Variants in NRXN1 observed in about 807,000 individuals in gnomAD.
NRXN1 encodes neurexin-1.
In NRXN1, 39 loss-of-function variants were observed where a neutral mutation model predicts 150.9. The observed-to-expected ratio is 0.26, with a 90% CI of 0.20 to 0.34. The LOEUF (loss-of-function observed/expected upper bound fraction) is 0.34. Among genes scored for constraint, NRXN1 ranks in the 10% least tolerant of loss-of-function variants. The pLI is 1.00. For synonymous variants in NRXN1, 924 were observed against 757.0 expected (o/e 1.22, Z -3.62); for missense variants, 1,815 against 1,949.9 (o/e 0.93, Z 1.30).
At chr2:50,610,793 T>C (rs1012902223) in intron 8 of NRXN1, among the ~76,000 whole-genome samples, 12 of 145,682 alleles carry the variant, frequency 8.2e-5, no homozygotes, top group Admixed American at 3.5e-4. Context: ...CACACACACA[T>C]ACATTTATAT....
intron 21 of NRXN1, among the ~76,000 whole-genome samples, chr2:49,952,769 G>A (rs771156122): frequency 6.6e-5 from 10 of 152,074 alleles, no homozygotes; most frequent in Admixed American, 1.3e-4. Flanking sequence ...CAACTTCCAA[G>A]GTCTCTCTCT....
intron 2 of NRXN1, among the ~76,000 whole-genome samples, chr2:51,018,164 C>A (rs778563585): frequency 6.6e-6 from 1 of 152,054 alleles, no homozygotes; most frequent in Admixed American, 6.6e-5. Context: ...GATTAGAACC[C>A]ACACAGAATT....
At chr2:50,746,784 C>G (rs929806380) in intron 5 of NRXN1, among the ~76,000 whole-genome samples, 3 of 152,014 alleles carry the variant, frequency 2.0e-5, no homozygotes, top group African/African-American at 7.2e-5. Context: ...ATTTCAAGGG[C>G]GGGACCAAAT....
chr2:51,013,208 T>G (rs1668157961), intron 2 of NRXN1, among the ~76,000 whole-genome samples: 1 of 151,866 alleles, frequency 6.6e-6, no homozygotes, highest in Non-Finnish European at 1.5e-5. Flanking sequence ...CAACAACGTT[T>G]AAGGAAACAT....
Position 50,953,560 on chromosome 2 carries a change from T to TG in NRXN1, c.773-27606_773-27605insC, listed in dbSNP as rs1691767159. On this transcript the variant is annotated intron_variant, in intron 2 of 22. Coordinates refer to ENST00000401669, the MANE Select transcript of NRXN1 (RefSeq NM_001330078.2). The stretch of plus-strand genomic sequence containing the variant: ...TATTTCTATGTTCAAGTGACAATTT[T>TG]TTTTTTTTTTTTTTGAGATGAAGTC... Among the ~76,000 whole-genome samples, 5 of 151,562 alleles carry TG rather than the reference T, an allele frequency of 3.3e-5. No individual in the cohort carries two copies. In the South Asian group the frequency reaches 8.3e-4, roughly 25 times the overall value.
chr2:50,307,429 T>C (rs1358204479), intron 17 of NRXN1, among the ~76,000 whole-genome samples: 2 of 152,194 alleles, frequency 1.3e-5, no homozygotes, highest in South Asian at 2.1e-4. Context: ...AAAAGCAATT[T>C]AATTAGTCAC....
At chr2:50,492,194 T>A (rs1212440858) in intron 15 of NRXN1, among the ~76,000 whole-genome samples, 1 of 152,114 alleles carries the variant, frequency 6.6e-6, no homozygotes, top group East Asian at 1.9e-4. Context: ...GAGAGCAAAT[T>A]TCTGCTGCTC....
chr2:50,865,593 T>C (rs1446914359), intron 5 of NRXN1, among the ~76,000 whole-genome samples: 3 of 147,744 alleles, frequency 2.0e-5, no homozygotes, highest in African/African-American at 7.5e-5. Flanking sequence ...TGTGTGTGTG[T>C]GTGTGTGTGT....
rs200171245 is a variant in NRXN1 at position 51,027,652 on chromosome 2, G to C, written c.622C>G (p.Pro208Ala). The part of the protein sequence containing the change: ...DSGEVKLDDE[P>A]PNSGGGSPCE... ...GGGCTTCCCCCGCCGCTGTTGGGCG[G>C]CTCATCGTCCAGCTTCACCTCGCCG... Residue 208 changes from proline to alanine, a missense_variant, in exon 2 of 23, where the codon CCG (proline) becomes GCG (alanine). Pro to Ala is a conservative substitution (Grantham distance 27). Transcript: ENST00000401669. The C allele has an allele frequency of 2.1e-5, 33 of 1,600,186 alleles. No homozygotes were observed. Among genetic ancestry groups the C allele is most frequent in the Admixed American group, 5.1e-5 (3 of 58,284 alleles).
chr2:50,173,362 GGCAAT>G (rs2060146213), intron 18 of NRXN1, among the ~76,000 whole-genome samples: 1 of 152,132 alleles, frequency 6.6e-6, no homozygotes, highest in South Asian at 2.1e-4. Context: ...CCTTATCAAT[GGCAAT>G]GCATAACAGG....
At chr2:50,925,672 T>C (rs538449845) in intron 3 of NRXN1, among the ~76,000 whole-genome samples, 10 of 152,090 alleles carry the variant, frequency 6.6e-5, no homozygotes, top group African/African-American at 1.9e-4. Flanking sequence ...ATTTTTCTCA[T>C]ACAGAACACT....
At chr2:50,092,206 G>T (rs906871471) in intron 18 of NRXN1, among the ~76,000 whole-genome samples, 1 of 152,052 alleles carries the variant, frequency 6.6e-6, no homozygotes, top group African/African-American at 2.4e-5. Flanking sequence ...CAAAATGAAC[G>T]CCCTCTTCAC....
intron 2 of NRXN1, among the ~76,000 whole-genome samples, chr2:51,001,234 TG>T (rs749646036): frequency 0.032 from 430 of 13,370 alleles, 3 homozygotes; most frequent in South Asian, 0.26. Flanking sequence ...TTCATGGGGT[TG>T]GGGGGGGGGG....
chr2:50,366,871 C>A (rs1338967029), intron 17 of NRXN1, among the ~76,000 whole-genome samples: 2 of 151,966 alleles, frequency 1.3e-5, no homozygotes, highest in Non-Finnish European at 2.9e-5. Context: ...CCCTGTGTCA[C>A]CTACCTTTGG....
chr2:49,998,435 T>TAA (rs1478646252), intron 21 of NRXN1, among the ~76,000 whole-genome samples: 1 of 152,204 alleles, frequency 6.6e-6, no homozygotes, highest in African/African-American at 2.4e-5. Context: ...TAATTTCCCA[T>TAA]AATATGTACT....
chr2:50,304,654 A>C (rs547837240), intron 17 of NRXN1, among the ~76,000 whole-genome samples: 34 of 151,150 alleles, frequency 2.2e-4, no homozygotes, highest in Non-Finnish European at 4.3e-4. Flanking sequence ...TATTAATTAA[A>C]GTCTATTTTT....
intron 5 of NRXN1, among the ~76,000 whole-genome samples, chr2:50,903,069 T>G (rs531845053): frequency 6.6e-6 from 1 of 152,264 alleles, no homozygotes; most frequent in African/African-American, 2.4e-5. Context: ...CAAGAAGATA[T>G]TGGGCATGTA....
At chr2:50,491,115 G>C (rs1049784138) in intron 15 of NRXN1, among the ~76,000 whole-genome samples, 11 of 152,120 alleles carry the variant, frequency 7.2e-5, no homozygotes, top group Non-Finnish European at 2.9e-5. Context: ...AAGTATCTGG[G>C]CAAGACAAGT....
intron 9 of NRXN1, among the ~76,000 whole-genome samples, chr2:50,543,054 T>C (rs1463920285): frequency 2.6e-5 from 4 of 152,112 alleles, no homozygotes; most frequent in African/African-American, 9.7e-5. Context: ...ACTCTATATA[T>C]CAATGGAAAA....
Sources: gnomAD v4.1 joint callset for allele counts (sites outside exome capture counted in the v4.1 genomes callset) on GRCh38, gnomAD v4.1.1 for gene constraint, MANE v1.5 for transcripts, NCBI Gene and HGNC (gene_info 2026-07-23, HGNC 2026-07-21) for gene names.